The following ARHGAP39 variants were observed in gnomAD, a reference collection of about 807,000 sequenced individuals.
The protein encoded by ARHGAP39 is Rho GTPase activating protein 39, also known as rho GTPase-activating protein 39.
ARHGAP39 carries 44 observed loss-of-function variants against 106.9 expected under a neutral mutation model. The observed-to-expected ratio is 0.41, with a 90% CI of 0.32 to 0.53. The LOEUF (loss-of-function observed/expected upper bound fraction) is 0.53, where lower values mean the gene tolerates loss of function less well. Ranked by LOEUF, ARHGAP39 falls within the 20% of genes least tolerant of loss-of-function variation. ARHGAP39 has a pLI of 0.21. For synonymous variants in ARHGAP39, 768 were observed against 693.2 expected (o/e 1.11, Z -1.69); for missense variants, 1,496 against 1,577.3 (o/e 0.95, Z 0.87).
intron 2 of ARHGAP39, among the ~76,000 whole-genome samples, chr8:144,590,492 T>C (rs552501459): frequency 3.3e-5 from 5 of 151,350 alleles, no homozygotes; most frequent in African/African-American, 2.4e-5. Context: ...TGCTTTGCCA[T>C]GATCAGAAGC....
At chr8:144,562,264 GT>G (rs1564849187) in intron 3 of ARHGAP39, among the ~76,000 whole-genome samples, 10 of 66,228 alleles carry the variant, frequency 1.5e-4, no homozygotes, top group South Asian at 8.6e-4. Flanking sequence ...GGTTTCCATC[GT>G]GCTCCAGTGG....
At chr8:144,537,602 G>A in intron 7 of ARHGAP39, 119 bp downstream of exon 7, 1 of 899,252 alleles carries the variant, frequency 1.1e-6, no homozygotes, top group Admixed American at 2.3e-5. Context: ...ACAGGCCTGA[G>A]GTTAGTGGCC....
chr8:144,549,845 A>G (rs1025793260), intron 4 of ARHGAP39, among the ~76,000 whole-genome samples: 2 of 152,144 alleles, frequency 1.3e-5, no homozygotes, highest in African/African-American at 2.4e-5. Context: ...GCAGCTCCAC[A>G]CTTCAGAATA....
intron 3 of ARHGAP39, among the ~76,000 whole-genome samples, chr8:144,571,160 G>A (rs148877249): frequency 0.011 from 1,670 of 152,118 alleles, 32 homozygotes; most frequent in African/African-American, 0.038. Context: ...GATACCAAAG[G>A]CTGGCAGAGA....
upstream of ARHGAP39, among the ~76,000 whole-genome samples, chr8:144,687,956 G>A (rs1371577029): frequency 1.5e-5 from 2 of 132,786 alleles, no homozygotes; most frequent in Non-Finnish European, 3.3e-5. Context: ...CACATTTACA[G>A]TGAGCACTTC....
At chr8:144,582,100 T>TAG (rs1819013852) in intron 2 of ARHGAP39, among the ~76,000 whole-genome samples, 1 of 152,000 alleles carries the variant, frequency 6.6e-6, no homozygotes, top group African/African-American at 2.4e-5. Flanking sequence ...GGGGTCTCGT[T>TAG]TCCAGGGAAA....
intron 1 of ARHGAP39, among the ~76,000 whole-genome samples, chr8:144,628,461 A>C (rs1820980841): frequency 6.6e-6 from 1 of 152,208 alleles, no homozygotes; most frequent in Non-Finnish European, 1.5e-5. Context: ...ATGCCAAGTC[A>C]AACGGCAATC....
intron 1 of ARHGAP39, among the ~76,000 whole-genome samples, chr8:144,639,349 A>G (rs1420007849): frequency 6.6e-6 from 1 of 151,778 alleles, no homozygotes; most frequent in Non-Finnish European, 1.5e-5. Context: ...AAAGAAAGAA[A>G]GAAAGAAAGA....
intron 1 of ARHGAP39, among the ~76,000 whole-genome samples, chr8:144,669,506 C>CAAAAAAAAAAAAA (rs55678140): frequency 1.3e-4 from 8 of 59,730 alleles, no homozygotes; most frequent in African/African-American, 4.0e-4. Context: ...GACTCGGTCT[C>CAAAAAAAAAAAAA]AAAAAAAAAA....
rs1455413252 is a variant in ARHGAP39, at chr8:144,530,320, G to A, written c.*102C>T. The A allele has an allele frequency of 7.5e-6, 10 of 1,325,734 alleles. No individual in the cohort carries two copies. The South Asian group carries it at 1.1e-4, about 15-fold the overall frequency. 82.1% of individuals were successfully genotyped at this position (1,325,734 alleles called of 1,614,324 possible). On this transcript the variant is annotated 3_prime_UTR_variant, in exon 12 of 12. Transcript: ENST00000377307. Reference sequence around the variant, plus strand: ...GCCTGGGGGAGTGGAGGGGGCTCCAGGGCTGGGCCGGGCGATTCTGGCCCC... The same window carrying A: ...GCCTGGGGGAGTGGAGGGGGCTCCAAGGCTGGGCCGGGCGATTCTGGCCCC...
chr8:144,676,850 G>A (rs1033004247), intron 1 of ARHGAP39, among the ~76,000 whole-genome samples: 4 of 152,258 alleles, frequency 2.6e-5, no homozygotes, highest in African/African-American at 9.6e-5. Context: ...GGCTCCTCCA[G>A]CGTGGCCAGA....
chr8:144,675,368 T>C (rs1010091139), intron 1 of ARHGAP39, among the ~76,000 whole-genome samples: 11 of 152,226 alleles, frequency 7.2e-5, no homozygotes, highest in African/African-American at 2.4e-4. Flanking sequence ...TTGGTCTTGC[T>C]GACTTCAAGA....
At chr8:144,602,407 G>GCA (rs1820044914) in intron 2 of ARHGAP39, among the ~76,000 whole-genome samples, 1 of 145,064 alleles carries the variant, frequency 6.9e-6, no homozygotes, top group Non-Finnish European at 1.5e-5. Context: ...GTGGAGGCGT[G>GCA]TGTGTGCTTG....
intron 1 of ARHGAP39, among the ~76,000 whole-genome samples, chr8:144,676,137 G>T (rs925880067): frequency 6.6e-6 from 1 of 152,230 alleles, no homozygotes; most frequent in Non-Finnish European, 1.5e-5. Context: ...CAGCATGGAA[G>T]GGGACCCCAG....
chr8:144,689,309 G>A (rs533977738), upstream of ARHGAP39, among the ~76,000 whole-genome samples: 13 of 151,886 alleles, frequency 8.6e-5, no homozygotes, highest in South Asian at 2.1e-4. Context: ...AGCAGCTCTC[G>A]CGAGTTACAG....
chr8:144,580,730 CCACCTTCACCAG>C, intron 3 of ARHGAP39, 104 bp downstream of exon 3: 1 of 1,275,342 alleles, frequency 7.8e-7, no homozygotes, highest in Non-Finnish European at 1.0e-6. Context: ...GCCCCGCCCA[CCACCTTCACCAG>C]TCCCGCTCTC....
chr8:144,620,208 C>A (rs996306694), intron 1 of ARHGAP39, among the ~76,000 whole-genome samples: 2 of 135,870 alleles, frequency 1.5e-5, no homozygotes, highest in Admixed American at 1.5e-4. Context: ...CGTGTGTGAG[C>A]CTGTGTCCCT....
intron 1 of ARHGAP39, among the ~76,000 whole-genome samples, chr8:144,620,128 TGTGAGC>T (rs1820759187): frequency 1.4e-5 from 2 of 146,094 alleles, no homozygotes; most frequent in African/African-American, 5.1e-5. Flanking sequence ...CCCGTGTGCG[TGTGAGC>T]CTGTGTGTCC....
chr8:144,639,393 T>A (rs1265184413), intron 1 of ARHGAP39, among the ~76,000 whole-genome samples: 2 of 151,894 alleles, frequency 1.3e-5, no homozygotes. Context: ...AATTTAAATT[T>A]CATTTCTATC....
Sources: allele counts gnomAD v4.1 joint callset (sites outside exome capture counted in the v4.1 genomes callset), GRCh38; gene constraint gnomAD v4.1.1; transcripts MANE v1.5; gene names NCBI Gene and HGNC (gene_info 2026-07-23, HGNC 2026-07-21).